SLC2A1: variants seen among roughly 807,000 people sequenced by gnomAD.
SLC2A1 encodes the protein solute carrier family 2 member 1.
A neutral mutation model predicts 46.6 loss-of-function variants in SLC2A1; 4 were observed. The ratio of observed to expected loss-of-function variants is 0.09; its 90% confidence interval spans 0.04 to 0.20. SLC2A1 has a LOEUF of 0.20. Among genes scored for constraint, SLC2A1 ranks in the 10% least tolerant of loss-of-function variants. The probability of loss-of-function intolerance (pLI) is 1.00; values close to 1 mark genes in which losing one functional copy is unlikely to be tolerated. For missense variants in SLC2A1, 352 were observed against 667.0 expected, an observed-to-expected ratio of 0.53 and a Z score of 5.20; for synonymous variants, 253 against 270.0, an observed-to-expected ratio of 0.94 and a Z score of 0.62.
intron 1 of SLC2A1, among the ~76,000 whole-genome samples, chr1:42,957,925 CGA>C (rs1444275185): frequency 6.6e-6 from 1 of 152,158 alleles, no homozygotes; most frequent in Non-Finnish European, 1.5e-5. Flanking sequence ...CACATCTCCG[CGA>C]GACTGGGCCA....
In SLC2A1 at chr1:42,929,291, G is replaced by A; in HGVS notation, c.891C>T (p.Ile297=). The change falls in exon 7 of 10, where the codon ATC becomes ATT. Residue 297 remains isoleucine, a synonymous_variant. Coordinates refer to ENST00000426263, the MANE Select transcript of SLC2A1 (RefSeq NM_006516.4). The surrounding 1 kb of genome is among the most constrained non-coding windows in gnomAD (Gnocchi z 6.0). ...GCTGCTGCACCCCCGCCTTCTCGAA[G>A]ATGCTCGTGGAGTAATAGAAGACCT... ...INAVFYYSTS[I]FEKAGVQQPV... The A allele has an allele frequency of 6.2e-7, 1 of 1,613,078 alleles. No individual in the cohort carries two copies.
chr1:42,941,040 G>T (rs1643592704), intron 2 of SLC2A1, among the ~76,000 whole-genome samples: 1 of 152,168 alleles, frequency 6.6e-6, no homozygotes, highest in African/African-American at 2.4e-5. Flanking sequence ...GCACGGAATT[G>T]ATGACCAAAT....
chr1:42,943,231 G>T lies in SLC2A1; in HGVS notation c.109C>A (p.Gln37Lys), dbSNP rs770013950. The T allele has an allele frequency of 1.2e-6, 2 of 1,608,764 alleles. No individual in the cohort carries two copies. The highest frequency in any genetic ancestry group is 1.7e-6 in the Non-Finnish European group (2 of 1,175,468). ...GYNTGVINAP[Q>K]KVIEEFYNQT... ...AACGATGGCACAGTACTCACCTTCT[G>T]GGGGGCATTGATGACTCCAGTGTTG... The change falls in exon 2 of 10, where the codon CAG becomes AAG. Residue 37 changes from glutamine to lysine, a missense_variant. By Grantham distance (53) the Gln-to-Lys change is moderately conservative. Coordinates refer to ENST00000426263, the MANE Select transcript of SLC2A1 (RefSeq NM_006516.4).
chr1:42,950,568 T>C (rs995838918), intron 1 of SLC2A1, among the ~76,000 whole-genome samples: 1 of 152,190 alleles, frequency 6.6e-6, no homozygotes, highest in Non-Finnish European at 1.5e-5. Context: ...AGATGGGCAA[T>C]AATTCAACTA....
In SLC2A1 at chr1:42,927,474, C is replaced by T; in HGVS notation, c.1278+131G>A. On this transcript the variant is annotated intron_variant, in intron 9 of 9. Coordinates refer to ENST00000426263, the MANE Select transcript of SLC2A1 (RefSeq NM_006516.4). This position sits in a 1 kb window ranked among gnomAD's most constrained non-coding sequence, Gnocchi z 5.3. ...TGGAGTTGAGGTCAGCATTCTTGGTCATGTGACCTGGGCTTCCTACCCTCA... is the reference window on the plus strand; with the variant it reads ...TGGAGTTGAGGTCAGCATTCTTGGTTATGTGACCTGGGCTTCCTACCCTCA... 1 of 954,680 alleles carries T rather than the reference C, an allele frequency of 1.0e-6. No individual in the cohort carries two copies. The highest frequency in any genetic ancestry group is 1.6e-6 in the Non-Finnish European group (1 of 606,226). The allele number at this position is 954,680 out of a possible 1,614,324, so 59.1% of individuals were successfully genotyped here.
intron 2 of SLC2A1, among the ~76,000 whole-genome samples, chr1:42,931,827 CAAAA>C (rs35734592): frequency 9.4e-5 from 10 of 106,300 alleles, no homozygotes; most frequent in Non-Finnish European, 1.6e-4. Context: ...CTCTATGTCT[CAAAA>C]AAAAAAAAAA....
intron 1 of SLC2A1, among the ~76,000 whole-genome samples, chr1:42,948,299 T>A (rs1643679553): frequency 6.6e-6 from 1 of 152,176 alleles, no homozygotes; most frequent in African/African-American, 2.4e-5. Flanking sequence ...TGTGTCAGCA[T>A]TGCGCTCCAG....
chr1:42,928,412 G>A lies in SLC2A1; in HGVS notation c.1074+520C>T, dbSNP rs561508976. On this transcript the variant is annotated intron_variant, in intron 8 of 9. Coordinates refer to ENST00000426263, the MANE Select transcript of SLC2A1 (RefSeq NM_006516.4). ...GTGCCAGGCACAGGGTTAGCACAGC[G>A]GTCACAGTCACAGGCCTGGGACTGA... Among the ~76,000 whole-genome samples, 4 of 152,236 alleles carry A rather than the reference G, an allele frequency of 2.6e-5. 1 individual carries two copies. The highest frequency in any genetic ancestry group is 7.2e-5 in the African/African-American group (3 of 41,524).
At chr1:42,942,296 G>A (rs571533365) in intron 2 of SLC2A1, among the ~76,000 whole-genome samples, 5 of 152,264 alleles carry the variant, frequency 3.3e-5, no homozygotes, top group African/African-American at 1.2e-4. Context: ...CATCTGCCTG[G>A]GCCTCAGTTT....
Position 42,958,714 on chromosome 1 carries a change from G to T in SLC2A1, c.-63C>A. ...CGCGGGTGGCGACGGGCGTGCGAGCGGCGCTCTCCCGCTCAGGCTCGTGCT... is the reference window on the plus strand; with the variant it reads ...CGCGGGTGGCGACGGGCGTGCGAGCTGCGCTCTCCCGCTCAGGCTCGTGCT... On this transcript the variant is annotated 5_prime_UTR_variant, in exon 1 of 10. Coordinates refer to ENST00000426263, the MANE Select transcript of SLC2A1 (RefSeq NM_006516.4). 6.6e-7 allele frequency: 1 copy of T among 1,509,402 alleles called. No individual in the cohort carries two copies. The highest frequency in any genetic ancestry group is 8.9e-7 in the Non-Finnish European group (1 of 1,124,006). The allele number at this position is 1,509,402 out of a possible 1,614,324, so 93.5% of individuals were successfully genotyped here. A position where few individuals can be genotyped will look rare whatever the true frequency, so the allele number is the denominator to read the frequency against.
chr1:42,937,928 C>T (rs930123378), intron 2 of SLC2A1, among the ~76,000 whole-genome samples: 3 of 152,196 alleles, frequency 2.0e-5, no homozygotes, highest in Non-Finnish European at 4.4e-5. Context: ...CTGGGTCATC[C>T]TGGGCAGACC....
rs150863093 is a variant in SLC2A1 at position 42,931,180 on chromosome 1, T to A, written c.141A>T (p.Thr47=). Residue 47 remains threonine, a synonymous_variant, in exon 3 of 10, where the codon ACA becomes ACT. Coordinates refer to ENST00000426263, the MANE Select transcript of SLC2A1 (RefSeq NM_006516.4). The part of the protein sequence containing the change: ...QKVIEEFYNQ[T]WVHRYGESIL... ...TGCTCTCCCCATAGCGGTGGACCCA[T>A]GTCTGGTTGTAGAACTCCTCGATCA... 3 of 1,613,926 alleles carry A rather than the reference T, an allele frequency of 1.9e-6. No homozygotes were observed. Among genetic ancestry groups the A allele is most frequent in the African/African-American group, 2.7e-5 (2 of 74,886 alleles).
intron 2 of SLC2A1, among the ~76,000 whole-genome samples, chr1:42,931,832 A>AG (rs918902724): frequency 6.6e-6 from 1 of 150,458 alleles, no homozygotes; most frequent in Non-Finnish European, 1.5e-5. Flanking sequence ...TGTCTCAAAA[A>AG]AAAAAAAAAA....
chr1:42,951,225 G>C (rs1173027425), intron 1 of SLC2A1, among the ~76,000 whole-genome samples: 1 of 152,132 alleles, frequency 6.6e-6, no homozygotes. Context: ...AAGGTGATGG[G>C]GCTGCTATTT....
Position 42,954,746 on chromosome 1 carries a change from G to T in SLC2A1, c.18+3888C>A, listed in dbSNP as rs910808136. Among the ~76,000 whole-genome samples, 31 of 152,296 alleles carry T rather than the reference G, an allele frequency of 2.0e-4. No individual in the cohort carries two copies. Among genetic ancestry groups the T allele is most frequent in the African/African-American group, 7.2e-4 (30 of 41,556 alleles). ...TCTTGGGGTGGGAGGCTCAGTGTGT[G>T]ATCTTGGCAAAGTCATTTTTTATTG... On this transcript the variant is annotated intron_variant, in intron 1 of 9. Transcript: ENST00000426263. The surrounding 1 kb of genome is among the most constrained non-coding windows in gnomAD (Gnocchi z 4.2).
chr1:42,928,178 T>C (rs1299936246), intron 8 of SLC2A1, among the ~76,000 whole-genome samples: 1 of 152,210 alleles, frequency 6.6e-6, no homozygotes, highest in African/African-American at 2.4e-5. Context: ...GGTGCCCAGC[T>C]CAGGCTGGCA....
chr1:42,946,871 A>G (rs1156696263), intron 1 of SLC2A1, among the ~76,000 whole-genome samples: 2 of 152,164 alleles, frequency 1.3e-5, no homozygotes, highest in African/African-American at 4.8e-5. Flanking sequence ...ACCCACGTTT[A>G]AATGCAGCAA....
At chr1:42,947,109 C>A (rs1643664287) in intron 1 of SLC2A1, among the ~76,000 whole-genome samples, 1 of 152,224 alleles carries the variant, frequency 6.6e-6, no homozygotes, top group Admixed American at 6.5e-5. Context: ...TCTGCCCCCA[C>A]CAGCCAGTGG....
At chr1:42,938,757 C>T (rs1195352621) in intron 2 of SLC2A1, among the ~76,000 whole-genome samples, 1 of 152,238 alleles carries the variant, frequency 6.6e-6, no homozygotes, top group Non-Finnish European at 1.5e-5. Context: ...GCCCAGACAC[C>T]TGCCCCTCCT....
Sources: allele counts gnomAD v4.1 joint callset (sites outside exome capture counted in the v4.1 genomes callset), GRCh38; gene constraint gnomAD v4.1.1; non-coding constraint Gnocchi (gnomAD v3.1); transcripts MANE v1.5; gene names NCBI Gene and HGNC (gene_info 2026-07-23, HGNC 2026-07-21).